Variants in CNBD1 observed in about 807,000 individuals in gnomAD.
CNBD1 encodes the protein cyclic nucleotide binding domain containing 1, also known as cyclic nucleotide-binding domain-containing protein 1.
Under a neutral mutation model 54.4 loss-of-function variants are expected in CNBD1, and 71 were observed. The observed-to-expected ratio is 1.30, with a 90% CI of 1.08 to 1.59. CNBD1 has a LOEUF of 1.59. CNBD1 is among the 40% of genes most tolerant of loss of function. The probability of loss-of-function intolerance (pLI) is 0.00; values close to 1 mark genes in which losing one functional copy is unlikely to be tolerated. For missense variants in CNBD1, 659 were observed against 518.0 expected (o/e 1.27, Z -2.64); for synonymous variants, 182 against 170.7 (o/e 1.07, Z -0.51).
At chr8:87,132,032 C>T (rs1286915576) in intron 4 of CNBD1, among the ~76,000 whole-genome samples, 2 of 151,962 alleles carry the variant, frequency 1.3e-5, no homozygotes, top group Non-Finnish European at 2.9e-5. Context: ...GCACTTTAAA[C>T]ATTGCTACAG....
intron 4 of CNBD1, among the ~76,000 whole-genome samples, chr8:87,105,681 C>G (rs1485389710): frequency 1.3e-5 from 2 of 151,948 alleles, no homozygotes; most frequent in African/African-American, 4.8e-5. Flanking sequence ...GCTGCTGTGC[C>G]TTCATTCTAC....
At chr8:87,389,124 A>G (rs1206415047) in intron 2 of CNBD1, among the ~76,000 whole-genome samples, 1 of 152,198 alleles carries the variant, frequency 6.6e-6, no homozygotes. Flanking sequence ...GCTATTTATG[A>G]CAAACCCACA....
intron 3 of CNBD1, among the ~76,000 whole-genome samples, chr8:86,930,720 T>C (rs975395496): frequency 7.2e-5 from 11 of 152,190 alleles, no homozygotes; most frequent in African/African-American, 2.7e-4. Flanking sequence ...GAGTCTAAGA[T>C]TTTGCACTAG....
At chr8:87,131,921 T>C (rs755039351) in intron 4 of CNBD1, among the ~76,000 whole-genome samples, 1 of 152,184 alleles carries the variant, frequency 6.6e-6, no homozygotes, top group Admixed American at 6.5e-5. Context: ...AGGATGAATA[T>C]TCTTTGTGCT....
At chr8:87,101,231 G>A (rs1408268001) in intron 4 of CNBD1, among the ~76,000 whole-genome samples, 1 of 152,136 alleles carries the variant, frequency 6.6e-6, no homozygotes, top group Non-Finnish European at 1.5e-5. Context: ...GATGTTGTAA[G>A]TAGTAGACAA....
intron 4 of CNBD1, among the ~76,000 whole-genome samples, chr8:86,957,627 A>G (rs1175591422): frequency 6.6e-6 from 1 of 152,152 alleles, no homozygotes. Context: ...GGAGGTGTTT[A>G]TAGTATTCTC....
intron 3 of CNBD1, among the ~76,000 whole-genome samples, chr8:86,929,214 A>T (rs796681566): frequency 1.3e-5 from 2 of 152,244 alleles, no homozygotes; most frequent in Admixed American, 6.5e-5. Flanking sequence ...TAACTCCATG[A>T]TTTCTTTGTA....
At chr8:87,074,925 A>T (rs566519342) in intron 4 of CNBD1, among the ~76,000 whole-genome samples, 2 of 152,322 alleles carry the variant, frequency 1.3e-5, no homozygotes, top group African/African-American at 4.8e-5. Flanking sequence ...ATTGAATTTC[A>T]GTATAATTTA....
Position 87,353,728 on chromosome 8 carries a change from C to T in CNBD1, c.1245C>T (p.Cys415=). ...TCCTTCTTCAAGTTCCTTTCACGTGCACAATCATTACCAAAAAAGAAGTTG... is the reference window on the plus strand; with the variant it reads ...TCCTTCTTCAAGTTCCTTTCACGTGTACAATCATTACCAAAAAAGAAGTTG... ...ISVLLQVPFT[C]TIITKKEVEM... is the part of the protein sequence containing the mutation. Residue 415 remains cysteine (C), a synonymous_variant, in exon 10 of 11, where the codon TGC becomes TGT. Coordinates refer to ENST00000518476, the MANE Select transcript of CNBD1 (RefSeq NM_173538.3). 6.2e-7 allele frequency: 1 copy of T among 1,611,402 alleles called. No individual in the cohort carries two copies. The highest frequency in any genetic ancestry group is 8.5e-7 in the Non-Finnish European group (1 of 1,178,612).
chr8:87,320,245 GA>G (rs1281452786), intron 8 of CNBD1, among the ~76,000 whole-genome samples: 1 of 151,918 alleles, frequency 6.6e-6, no homozygotes, highest in Non-Finnish European at 1.5e-5. Context: ...CTTTGTTAAG[GA>G]CATAACTAAT....
intron 4 of CNBD1, among the ~76,000 whole-genome samples, chr8:87,108,481 G>T (rs938182013): frequency 1.3e-5 from 2 of 152,106 alleles, no homozygotes; most frequent in Non-Finnish European, 2.9e-5. Context: ...ATAAATTAGT[G>T]AATCTGCATT....
intron 4 of CNBD1, among the ~76,000 whole-genome samples, chr8:87,113,916 CA>C (rs11415653): frequency 4.0e-4 from 52 of 130,002 alleles, no homozygotes; most frequent in Non-Finnish European, 2.8e-4. Context: ...GACTCTGTCT[CA>C]AAAAAAAAAA....
At chr8:87,398,096 A>G (rs1275857811) in intron 2 of CNBD1, among the ~76,000 whole-genome samples, 1 of 151,522 alleles carries the variant, frequency 6.6e-6, no homozygotes, top group African/African-American at 2.4e-5. Flanking sequence ...AATTTTCTCT[A>G]AGTTTTTAGA....
At chr8:87,212,186 A>G (rs1041390275) in intron 5 of CNBD1, among the ~76,000 whole-genome samples, 2 of 152,206 alleles carry the variant, frequency 1.3e-5, no homozygotes, top group African/African-American at 4.8e-5. Context: ...AGACTTGTAC[A>G]TTGAAAACTA....
intron 4 of CNBD1, among the ~76,000 whole-genome samples, chr8:87,131,162 A>G (rs1418398782): frequency 6.6e-6 from 1 of 151,936 alleles, no homozygotes; most frequent in Admixed American, 6.6e-5. Flanking sequence ...TGGAATCCTT[A>G]GTTCATTTGC....
intron 4 of CNBD1, among the ~76,000 whole-genome samples, chr8:87,015,982 A>T: frequency 6.7e-6 from 1 of 150,048 alleles, no homozygotes; most frequent in African/African-American, 2.4e-5. Context: ...CGTCTCAAAA[A>T]AAAAAAAAAA....
intron 4 of CNBD1, among the ~76,000 whole-genome samples, chr8:87,118,288 C>T (rs965660380): frequency 7.5e-6 from 1 of 133,040 alleles, no homozygotes; most frequent in Admixed American, 9.1e-5. Context: ...GCCCTCCAGC[C>T]TGGGCGACAG....
chr8:87,403,213 C>G (rs913071317), intron 2 of CNBD1, among the ~76,000 whole-genome samples: 1 of 151,810 alleles, frequency 6.6e-6, no homozygotes, highest in African/African-American at 2.4e-5. Context: ...AGTTTGAGAC[C>G]CATTATTAAA....
downstream of CNBD1, among the ~76,000 whole-genome samples, chr8:87,383,520 G>T (rs1176587579): frequency 6.6e-6 from 1 of 152,116 alleles, no homozygotes; most frequent in Non-Finnish European, 1.5e-5. Context: ...TGTTAAAACT[G>T]AAGTCTGTCT....
Sources: allele counts gnomAD v4.1 joint callset (sites outside exome capture counted in the v4.1 genomes callset), GRCh38; gene constraint gnomAD v4.1.1; transcripts MANE v1.5; gene names NCBI Gene and HGNC (gene_info 2026-07-23, HGNC 2026-07-21).